ST6GALNAC3: variants seen among roughly 807,000 people sequenced by gnomAD.
ST6GALNAC3 encodes the protein ST6 N-acetylgalactosaminide alpha-2,6-sialyltransferase 3.
ST6GALNAC3 carries 25 observed loss-of-function variants against 32.7 expected under a neutral mutation model. The ratio of observed to expected loss-of-function variants is 0.76; its 90% confidence interval spans 0.56 to 1.07. ST6GALNAC3 has a LOEUF of 1.07. ST6GALNAC3 is among the 50% of genes least tolerant of loss of function. The pLI, the probability that ST6GALNAC3 is intolerant of heterozygous loss-of-function variation, is 0.00. For missense variants in ST6GALNAC3, 355 were observed against 382.4 expected (o/e 0.93, Z 0.60); for synonymous variants, 129 against 133.1 (o/e 0.97, Z 0.21).
intron 1 of ST6GALNAC3, among the ~76,000 whole-genome samples, chr1:76,112,147 C>T (rs1231573888): frequency 2.5e-5 from 3 of 119,916 alleles, no homozygotes; most frequent in South Asian, 3.0e-4. Flanking sequence ...CCGGACAGGG[C>T]GGCTGGCCGG....
intron 2 of ST6GALNAC3, among the ~76,000 whole-genome samples, chr1:76,341,618 T>TTTCTTTCC (rs1491582667): frequency 9.6e-5 from 11 of 114,068 alleles, no homozygotes; most frequent in Admixed American, 3.5e-4. Flanking sequence ...TCTTTCTTTC[T>TTTCTTTCC]TTCTTTCTTT....
intron 3 of ST6GALNAC3, among the ~76,000 whole-genome samples, chr1:76,515,477 T>C (rs903160077): frequency 1.3e-5 from 2 of 152,160 alleles, no homozygotes; most frequent in African/African-American, 4.8e-5. Flanking sequence ...TCTTCTTGTT[T>C]GTCTATTTTC....
At chr1:76,591,620 G>A (rs939473922) in intron 3 of ST6GALNAC3, among the ~76,000 whole-genome samples, 3 of 152,168 alleles carry the variant, frequency 2.0e-5, no homozygotes, top group Admixed American at 1.3e-4. Context: ...GCTCTGTCTA[G>A]GACTTTAACC....
chr1:76,475,821 G>C (rs1659314650), intron 3 of ST6GALNAC3, among the ~76,000 whole-genome samples: 1 of 152,092 alleles, frequency 6.6e-6, no homozygotes, highest in African/African-American at 2.4e-5. Context: ...ATCTACATTA[G>C]GTATTTCTCC....
At chr1:76,494,294 G>T (rs1213900871) in intron 3 of ST6GALNAC3, among the ~76,000 whole-genome samples, 1 of 151,122 alleles carries the variant, frequency 6.6e-6, no homozygotes, top group Non-Finnish European at 1.5e-5. Flanking sequence ...ATTTTTGTTG[G>T]AGGAACGTTT....
chr1:76,323,261 AT>A (rs1325427659), intron 2 of ST6GALNAC3, among the ~76,000 whole-genome samples: 1 of 152,244 alleles, frequency 6.6e-6, no homozygotes, highest in African/African-American at 2.4e-5. Flanking sequence ...TCTCTGAAAA[AT>A]AATTGAATAT....
intron 1 of ST6GALNAC3, among the ~76,000 whole-genome samples, chr1:76,166,229 C>T (rs1652117012): frequency 1.3e-5 from 2 of 152,114 alleles, no homozygotes; most frequent in Non-Finnish European, 2.9e-5. Context: ...TTGTGGCTAG[C>T]CAATTATCCC....
At chr1:76,584,664 A>G (rs1349267368) in intron 3 of ST6GALNAC3, among the ~76,000 whole-genome samples, 1 of 152,234 alleles carries the variant, frequency 6.6e-6, no homozygotes, top group Non-Finnish European at 1.5e-5. Context: ...AAGATCTAAA[A>G]GAGAAACATA....
intron 1 of ST6GALNAC3, among the ~76,000 whole-genome samples, chr1:76,308,507 G>A (rs1661203530): frequency 6.6e-6 from 1 of 152,134 alleles, no homozygotes; most frequent in Non-Finnish European, 1.5e-5. Flanking sequence ...TAAATCTAAA[G>A]GATGTTCTGA....
At position 76,271,761 on chromosome 1, in the gene ST6GALNAC3, T is replaced by G. The variant is rs570947628; in HGVS notation, c.19-42044T>G. On this transcript the variant is annotated intron_variant, in intron 1 of 4. Transcript: ENST00000328299. ...TTTGGGAAAAGACTGCTGAAAAGCATGGAGACCTGTCAGGAACCCATTGCA... is the reference window on the plus strand; with the variant it reads ...TTTGGGAAAAGACTGCTGAAAAGCAGGGAGACCTGTCAGGAACCCATTGCA... 1.2e-4 allele frequency among the ~76,000 whole-genome samples: 18 copies of G among 152,280 alleles called. No individual in the cohort carries two copies. In the South Asian group the frequency reaches 3.1e-3, roughly 26 times the overall value.
intron 3 of ST6GALNAC3, among the ~76,000 whole-genome samples, chr1:76,531,270 T>C (rs1223574238): frequency 6.6e-6 from 1 of 152,224 alleles, no homozygotes; most frequent in African/African-American, 2.4e-5. Context: ...CTTTTGTTTT[T>C]ATTAGCATGT....
At chr1:76,239,944 T>C (rs973712891) in intron 1 of ST6GALNAC3, among the ~76,000 whole-genome samples, 6 of 152,200 alleles carry the variant, frequency 3.9e-5, no homozygotes, top group African/African-American at 1.4e-4. Context: ...TATTCTCACC[T>C]CCCAGGCACA....
chr1:76,248,380 T>C (rs1020767088), intron 1 of ST6GALNAC3, among the ~76,000 whole-genome samples: 4 of 152,300 alleles, frequency 2.6e-5, no homozygotes, highest in African/African-American at 9.6e-5. Flanking sequence ...TCTCCCTAAG[T>C]ATGCAGTTAC....
downstream of ST6GALNAC3, among the ~76,000 whole-genome samples, chr1:76,635,507 C>T (rs1649482460): frequency 6.6e-6 from 1 of 152,142 alleles, no homozygotes; most frequent in African/African-American, 2.4e-5. Context: ...GATTAAATAG[C>T]TTACCCATGG....
At chr1:76,084,939 G>T (rs1190210063) in intron 1 of ST6GALNAC3, among the ~76,000 whole-genome samples, 1 of 152,158 alleles carries the variant, frequency 6.6e-6, no homozygotes, top group African/African-American at 2.4e-5. Flanking sequence ...GGGCAGGATT[G>T]GTTTCATTTG....
At chr1:76,446,499 C>CT (rs1656977771) in intron 3 of ST6GALNAC3, among the ~76,000 whole-genome samples, 1 of 152,148 alleles carries the variant, frequency 6.6e-6, no homozygotes, top group Non-Finnish European at 1.5e-5. Flanking sequence ...GCCCTCCCTC[C>CT]TACTAACCTC....
At chr1:76,082,007 G>A (rs1376120060) in intron 1 of ST6GALNAC3, among the ~76,000 whole-genome samples, 2 of 152,162 alleles carry the variant, frequency 1.3e-5, no homozygotes, top group African/African-American at 4.8e-5. Flanking sequence ...AGCTGGAATC[G>A]AGGAAACCTT....
chr1:76,340,601 G>A (rs963602270), intron 2 of ST6GALNAC3, among the ~76,000 whole-genome samples: 10 of 152,230 alleles, frequency 6.6e-5, no homozygotes, highest in Non-Finnish European at 1.2e-4. Context: ...GCCAGATGAT[G>A]AAATTGAAAT....
intron 2 of ST6GALNAC3, among the ~76,000 whole-genome samples, chr1:76,367,137 T>C (rs1158689354): frequency 6.6e-6 from 1 of 152,168 alleles, no homozygotes; most frequent in Non-Finnish European, 1.5e-5. Context: ...ACCAAAAACA[T>C]ATGGCTCATT....
Sources: allele counts gnomAD v4.1 joint callset (sites outside exome capture counted in the v4.1 genomes callset), GRCh38; gene constraint gnomAD v4.1.1; transcripts MANE v1.5; gene names NCBI Gene and HGNC (gene_info 2026-07-23, HGNC 2026-07-21).